Variants in TRIO observed in about 807,000 individuals in gnomAD.
TRIO encodes the protein triple functional domain protein.
TRIO carries 58 observed loss-of-function variants against 351.9 expected under a neutral mutation model. That is an observed-to-expected ratio of 0.16 (90% CI 0.13 to 0.21). TRIO has a LOEUF of 0.21. Among genes scored for constraint, TRIO ranks in the 10% least tolerant of loss-of-function variants. The probability of loss-of-function intolerance (pLI) is 1.00; values close to 1 mark genes in which losing one functional copy is unlikely to be tolerated. For missense variants in TRIO, 3,201 were observed against 4,027.8 expected, an observed-to-expected ratio of 0.79 and a Z score of 5.56; for synonymous variants, 1,758 against 1,595.7, an observed-to-expected ratio of 1.10 and a Z score of -2.42.
intron 2 of TRIO, among the ~76,000 whole-genome samples, chr5:14,273,899 A>G (rs928418259): frequency 6.6e-6 from 1 of 152,216 alleles, no homozygotes; most frequent in Non-Finnish European, 1.5e-5. Flanking sequence ...AGGAAAGAAA[A>G]TAGTATAGTG....
intron 56 of TRIO, 62 bp from the exon 57 acceptor site, chr5:14,507,818 A>G (rs1757815311): frequency 1.3e-6 from 2 of 1,556,914 alleles, no homozygotes. Flanking sequence ...AGTCCCGCCC[A>G]TCATCACGAG....
intron 22 of TRIO, 39 bp from the exon 23 acceptor site, chr5:14,387,693 A>G: frequency 6.2e-7 from 1 of 1,610,692 alleles, no homozygotes; most frequent in Non-Finnish European, 8.5e-7. Flanking sequence ...CTCTCTGCTG[A>G]TTTAATTAAC....
chr5:14,373,738 T>C (rs1745320449), intron 18 of TRIO, among the ~76,000 whole-genome samples: 1 of 152,250 alleles, frequency 6.6e-6, no homozygotes, highest in African/African-American at 2.4e-5. Context: ...CTGTCACCTG[T>C]GGCTGCTTTC....
Position 14,143,499 on chromosome 5 carries a change from CGCCCCTCG to C in TRIO, c.-223_-216del, listed in dbSNP as rs1235529216. Among the ~76,000 whole-genome samples, 1 of 148,070 alleles carries C rather than the reference CGCCCCTCG, an allele frequency of 6.8e-6. No individual in the cohort carries two copies. On this transcript the variant is annotated 5_prime_UTR_variant, in exon 1 of 57. Transcript: ENST00000344204. ...CCGGGAGGCCGTGGCTCCGCGCCTC[CGCCCCTCG>C]GCCAGCTCGCGGCTACCGGGCGGAG...
intron 3 of TRIO, among the ~76,000 whole-genome samples, chr5:14,281,916 C>T (rs1736039579): frequency 2.0e-5 from 3 of 152,166 alleles, no homozygotes; most frequent in Admixed American, 2.0e-4. Context: ...AATAGATCTA[C>T]CACAGCACGT....
At chr5:14,403,043 G>A (rs1250757010) in intron 31 of TRIO, among the ~76,000 whole-genome samples, 1 of 150,176 alleles carries the variant, frequency 6.7e-6, no homozygotes, top group Non-Finnish European at 1.5e-5. Flanking sequence ...TGAAGGTGCA[G>A]GTTGTGGTGG....
intron 10 of TRIO, among the ~76,000 whole-genome samples, chr5:14,333,853 A>G (rs1239359405): frequency 2.0e-5 from 3 of 151,844 alleles, no homozygotes; most frequent in Non-Finnish European, 4.4e-5. Flanking sequence ...TCCCCATGGC[A>G]GGGATGACCC....
intron 3 of TRIO, among the ~76,000 whole-genome samples, chr5:14,283,987 T>C (rs890246779): frequency 9.2e-5 from 14 of 152,190 alleles, no homozygotes; most frequent in Non-Finnish European, 1.8e-4. Context: ...TCTAGAACAT[T>C]CTGCCTTCTT....
intron 29 of TRIO, among the ~76,000 whole-genome samples, chr5:14,398,448 G>A (rs181748817): frequency 6.4e-4 from 98 of 152,272 alleles, no homozygotes; most frequent in African/African-American, 2.3e-3. Context: ...GGATGCTCTG[G>A]GCTGAGGAAG....
At chr5:14,173,718 A>C (rs539886226) in intron 1 of TRIO, among the ~76,000 whole-genome samples, 1 of 152,330 alleles carries the variant, frequency 6.6e-6, no homozygotes, top group East Asian at 1.9e-4. Flanking sequence ...ACAGATTAAG[A>C]GACTGACTTC....
At chr5:14,338,783 G>C (rs912002750) in intron 11 of TRIO, among the ~76,000 whole-genome samples, 2 of 152,212 alleles carry the variant, frequency 1.3e-5, no homozygotes, top group African/African-American at 4.8e-5. Flanking sequence ...GCAGCTGGGA[G>C]TGGCTGAGAG....
chr5:14,301,577 A>G (rs561012531), intron 7 of TRIO, among the ~76,000 whole-genome samples: 71 of 152,208 alleles, frequency 4.7e-4, no homozygotes, highest in African/African-American at 1.6e-3. Context: ...ATGGTAACAC[A>G]TATGTGTGTG....
At chr5:14,310,652 T>C (rs1738835117) in intron 8 of TRIO, among the ~76,000 whole-genome samples, 1 of 152,108 alleles carries the variant, frequency 6.6e-6, no homozygotes, top group African/African-American at 2.4e-5. Context: ...CACCTCTCCG[T>C]GATGTGTGTG....
chr5:14,290,686 C>T, intron 4 of TRIO, 30 bp from the exon 5 acceptor site: 1 of 1,554,426 alleles, frequency 6.4e-7, no homozygotes, highest in Non-Finnish European at 8.7e-7. Flanking sequence ...ATTGGTTCAT[C>T]TTCTCATACG....
At chr5:14,312,739 C>A (rs1042609875) in intron 8 of TRIO, among the ~76,000 whole-genome samples, 9 of 152,184 alleles carry the variant, frequency 5.9e-5, no homozygotes, top group African/African-American at 2.2e-4. Flanking sequence ...ACACTACATG[C>A]CATAAACTTA....
intron 35 of TRIO, 83 bp downstream of exon 35, chr5:14,461,394 T>A (rs537251325): frequency 1.1e-5 from 15 of 1,414,006 alleles, no homozygotes; most frequent in Non-Finnish European, 1.4e-5. Flanking sequence ...ATCTTATGAG[T>A]AAACTGGTTT....
chr5:14,311,818 G>A (rs1581592719), intron 8 of TRIO, among the ~76,000 whole-genome samples: 1 of 152,298 alleles, frequency 6.6e-6, no homozygotes, highest in East Asian at 1.9e-4. Context: ...CAGAAATAGT[G>A]CAATTCATTT....
chr5:14,408,031 A>G (rs1050518963), intron 33 of TRIO, among the ~76,000 whole-genome samples: 4 of 152,212 alleles, frequency 2.6e-5, no homozygotes, highest in African/African-American at 9.6e-5. Context: ...TGTCCCCATC[A>G]TGAGACCCGG....
intron 34 of TRIO, among the ~76,000 whole-genome samples, chr5:14,431,702 A>T (rs1482198241): frequency 1.3e-5 from 2 of 152,190 alleles, no homozygotes; most frequent in African/African-American, 4.8e-5. Context: ...GGGTGTATTC[A>T]TCTGCTGGCT....
Sources: gnomAD v4.1 joint callset for allele counts (sites outside exome capture counted in the v4.1 genomes callset) on GRCh38, gnomAD v4.1.1 for gene constraint, MANE v1.5 for transcripts, NCBI Gene and HGNC (gene_info 2026-07-23, HGNC 2026-07-21) for gene names.